ESRRG: variants seen among roughly 807,000 people sequenced by gnomAD.
The protein encoded by ESRRG is estrogen related receptor gamma, also known as estrogen-related receptor gamma.
A neutral mutation model predicts 44.0 loss-of-function variants in ESRRG; 13 were observed. The ratio of observed to expected loss-of-function variants is 0.30; its 90% CI spans 0.19 to 0.47. The LOEUF is 0.47. Ranked by LOEUF, ESRRG falls within the 20% of genes least tolerant of loss-of-function variation. ESRRG has a pLI of 1.00. For missense variants in ESRRG, 395 were observed against 580.6 expected, an observed-to-expected ratio of 0.68 and a Z score of 3.29; for synonymous variants, 215 against 214.6, an observed-to-expected ratio of 1.00 and a Z score of -0.02.
chr1:216,629,879 C>T (rs1048100639), intron 3 of ESRRG, among the ~76,000 whole-genome samples: 5 of 152,126 alleles, frequency 3.3e-5, no homozygotes, highest in African/African-American at 1.2e-4. Flanking sequence ...TTTACAATTC[C>T]TCTCATCTAT....
At chr1:216,960,003 AT>A (rs1444807758) in intron 1 of ESRRG, among the ~76,000 whole-genome samples, 4 of 152,172 alleles carry the variant, frequency 2.6e-5, no homozygotes, top group Non-Finnish European at 5.9e-5. Context: ...TGTTAAATTC[AT>A]ACAGCTGGTC....
chr1:216,966,907 C>T (rs1201923654), intron 1 of ESRRG, among the ~76,000 whole-genome samples: 2 of 152,136 alleles, frequency 1.3e-5, no homozygotes. Flanking sequence ...TGGAATCCCA[C>T]TCTTAGTCAC....
rs547579257 is a variant in ESRRG at position 217,053,167 on chromosome 1, A to G, written c.-106+36340T>C. Reference sequence around the variant, plus strand: ...AAAAAAAAAAAACAGAAAGAAAAAAAGAAAAGGCTGGGCAGGGTGGCTCAT... The same window carrying G: ...AAAAAAAAAAAACAGAAAGAAAAAAGGAAAAGGCTGGGCAGGGTGGCTCAT... On this transcript the variant is annotated intron_variant, in intron 1 of 7. Coordinates refer to the ESRRG transcript ENST00000359162. 4.0e-5 allele frequency among the ~76,000 whole-genome samples: 6 copies of G among 151,572 alleles called. No individual in the cohort carries two copies. The South Asian group carries it at 1.2e-3, about 32-fold the overall frequency.
At chr1:216,816,886 G>T (rs1042948717) in intron 2 of ESRRG, among the ~76,000 whole-genome samples, 1 of 152,052 alleles carries the variant, frequency 6.6e-6, no homozygotes, top group Non-Finnish European at 1.5e-5. Flanking sequence ...CATCTATCAC[G>T]GTTTCATTAT....
At chr1:216,768,153 C>T (rs2093178798) in intron 2 of ESRRG, among the ~76,000 whole-genome samples, 1 of 152,046 alleles carries the variant, frequency 6.6e-6, no homozygotes, top group African/African-American at 2.4e-5. Context: ...AGACTAAGGC[C>T]ATAGCTAACA....
chr1:216,648,221 T>A (rs76396298), intron 3 of ESRRG, among the ~76,000 whole-genome samples: 1,606 of 152,224 alleles, frequency 0.011, 39 homozygotes, highest in African/African-American at 0.037. Context: ...AGATGCAGGG[T>A]ACAATGCAAT....
chr1:216,872,685 A>C (rs2096275026), intron 2 of ESRRG, among the ~76,000 whole-genome samples: 1 of 151,828 alleles, frequency 6.6e-6, no homozygotes, highest in Non-Finnish European at 1.5e-5. Context: ...CCTATTGCTG[A>C]GGTTTTCTAC....
intron 1 of ESRRG, among the ~76,000 whole-genome samples, chr1:217,134,650 C>A (rs558297853): frequency 6.6e-6 from 1 of 152,350 alleles, no homozygotes; most frequent in South Asian, 2.1e-4. Flanking sequence ...AGCCGCTGCG[C>A]GCCTGAGAGA....
intron 1 of ESRRG, among the ~76,000 whole-genome samples, chr1:217,118,779 G>T (rs139239304): frequency 0.022 from 3,365 of 152,062 alleles, 133 homozygotes; most frequent in African/African-American, 0.076. Context: ...ATCACTTGAG[G>T]CCAGGAGCTT....
At chr1:216,712,919 G>T (rs749864804) in intron 1 of ESRRG, among the ~76,000 whole-genome samples, 1 of 152,150 alleles carries the variant, frequency 6.6e-6, no homozygotes, top group Non-Finnish European at 1.5e-5. Context: ...ACTTTCCAAT[G>T]AAATATATTT....
intron 5 of ESRRG, among the ~76,000 whole-genome samples, chr1:216,550,811 G>A (rs1308962552): frequency 6.6e-6 from 1 of 152,148 alleles, no homozygotes; most frequent in Non-Finnish European, 1.5e-5. Context: ...TGTTCATAAA[G>A]AGACTCCATT....
intron 1 of ESRRG, among the ~76,000 whole-genome samples, chr1:217,108,747 A>T (rs2092628452): frequency 6.6e-6 from 1 of 152,176 alleles, no homozygotes; most frequent in Non-Finnish European, 1.5e-5. Flanking sequence ...CCTCCCCAGA[A>T]GCCAAGCAGA....
chr1:216,634,292 T>A (rs532826967), intron 3 of ESRRG, among the ~76,000 whole-genome samples: 1 of 152,242 alleles, frequency 6.6e-6, no homozygotes, highest in South Asian at 2.1e-4. Context: ...GAATTAAAGA[T>A]CCCTTTAATT....
chr1:216,711,148 C>G (rs1162582040), intron 1 of ESRRG, among the ~76,000 whole-genome samples: 2 of 152,302 alleles, frequency 1.3e-5, no homozygotes, highest in East Asian at 3.9e-4. Flanking sequence ...TATCTGGGAG[C>G]CAGGTTCTGC....
intron 2 of ESRRG, among the ~76,000 whole-genome samples, chr1:216,665,273 C>T (rs1314003797): frequency 6.6e-6 from 1 of 152,066 alleles, no homozygotes; most frequent in Admixed American, 6.6e-5. Context: ...CATCTCTATA[C>T]GGTTCAGTCC....
chr1:216,868,930 C>T (rs2096216942), intron 2 of ESRRG, among the ~76,000 whole-genome samples: 1 of 152,100 alleles, frequency 6.6e-6, no homozygotes, highest in Non-Finnish European at 1.5e-5. Context: ...TTTCTTACTA[C>T]TCAGTCTTGT....
intron 1 of ESRRG, among the ~76,000 whole-genome samples, chr1:217,100,808 T>C (rs906083740): frequency 6.6e-6 from 1 of 152,118 alleles, no homozygotes. Context: ...AACTTACTTA[T>C]TACCCCAAGG....
At chr1:216,847,737 T>C (rs888255262) in intron 2 of ESRRG, among the ~76,000 whole-genome samples, 1 of 152,104 alleles carries the variant, frequency 6.6e-6, no homozygotes, top group Non-Finnish European at 1.5e-5. Context: ...TGCTCTTCAT[T>C]CATGGCCTAT....
chr1:217,008,690 T>C (rs1162209156), intron 1 of ESRRG, among the ~76,000 whole-genome samples: 1 of 152,208 alleles, frequency 6.6e-6, no homozygotes. Flanking sequence ...ACAAGAAATC[T>C]TAAAGGTTTT....
Sources: allele counts gnomAD v4.1 joint callset (sites outside exome capture counted in the v4.1 genomes callset), GRCh38; gene constraint gnomAD v4.1.1; transcripts MANE v1.5; gene names NCBI Gene and HGNC (gene_info 2026-07-23, HGNC 2026-07-21).